The following GRAMD1B variants were observed in gnomAD, a reference collection of about 807,000 sequenced individuals.
GRAMD1B encodes the protein protein Aster-B.
In GRAMD1B, 37 loss-of-function variants were observed where a neutral mutation model predicts 99.7. The ratio of observed to expected loss-of-function variants is 0.37; its 90% CI spans 0.29 to 0.49. The LOEUF is 0.49. Ranked by LOEUF, GRAMD1B falls within the 20% of genes least tolerant of loss-of-function variation. The pLI is 0.98. For missense variants in GRAMD1B, 888 were observed against 1,009.2 expected, an observed-to-expected ratio of 0.88 and a Z score of 1.63; for synonymous variants, 427 against 387.6, an observed-to-expected ratio of 1.10 and a Z score of -1.19.
chr11:123,622,476 A>C, intron 19 of GRAMD1B, 30 bp from the exon 20 acceptor site: 1 of 1,390,902 alleles, frequency 7.2e-7, no homozygotes, highest in Non-Finnish European at 1.0e-6. Flanking sequence ...GCGCAGACCC[A>C]GGCCTGGGGT....
intron 1 of GRAMD1B, among the ~76,000 whole-genome samples, chr11:123,368,907 G>C (rs1946423571): frequency 6.6e-6 from 1 of 151,248 alleles, no homozygotes; most frequent in Non-Finnish European, 1.5e-5. Context: ...AGGCAGTTGA[G>C]AGTTTGAGCT....
Position 123,520,915 on chromosome 11 carries a change from T to C in GRAMD1B, c.452+40022T>C, listed in dbSNP as rs115397550. Among the ~76,000 whole-genome samples the C allele has an allele frequency of 7.4e-3, 1,130 of 152,300 alleles. 24 individuals are homozygous for C. Among genetic ancestry groups the C allele is most frequent in the African/African-American group, 0.026 (1,090 of 41,578 alleles). Reference sequence around the variant, plus strand: ...CCTGTTCTGCTCCATTGCATGTGACTGATTTATGCATTTTCAATGCTGTGT... The same window carrying C: ...CCTGTTCTGCTCCATTGCATGTGACCGATTTATGCATTTTCAATGCTGTGT... On this transcript the variant is annotated intron_variant, in intron 2 of 19. Transcript: ENST00000635736.
intron 1 of GRAMD1B, among the ~76,000 whole-genome samples, chr11:123,360,037 A>G (rs1656190518): frequency 1.3e-5 from 2 of 152,150 alleles, no homozygotes; most frequent in South Asian, 4.1e-4. Flanking sequence ...TAGGCTGAAA[A>G]TGCTACATTT....
chr11:123,399,185 T>C (rs1325616807), intron 1 of GRAMD1B, among the ~76,000 whole-genome samples: 1 of 152,224 alleles, frequency 6.6e-6, no homozygotes, highest in African/African-American at 2.4e-5. Context: ...TCACGCATTA[T>C]TTGTCTTTCT....
At position 123,510,990 on chromosome 11, in the gene GRAMD1B, T is replaced by TA. The variant is rs1317365115; in HGVS notation, c.452+30098dup. 6.6e-6 allele frequency among the ~76,000 whole-genome samples: 1 copy of TA among 152,176 alleles called. No individual in the cohort carries two copies. The highest frequency in any genetic ancestry group is 1.5e-5 in the Non-Finnish European group (1 of 68,018). Reference sequence around the variant, plus strand: ...TCTGTAGCTTTCATCTGCACTCACTTATATGTCCGTTGTTTTCTTTAGCCT... The same window carrying TA: ...TCTGTAGCTTTCATCTGCACTCACTTAATATGTCCGTTGTTTTCTTTAGCCT... On this transcript the variant is annotated intron_variant, in intron 2 of 19. Coordinates refer to ENST00000635736, the MANE Select transcript of GRAMD1B (RefSeq NM_001387025.1). This position sits in a 1 kb window ranked among gnomAD's most constrained non-coding sequence, Gnocchi z 4.3.
At chr11:123,428,079 T>C (rs561823602), upstream of GRAMD1B, among the ~76,000 whole-genome samples, 4 of 152,322 alleles carry the variant, frequency 2.6e-5, no homozygotes, top group East Asian at 1.9e-4. Flanking sequence ...ACCATCCTTT[T>C]GTGTTTTTGG....
At chr11:123,437,508 T>C (rs142962335) in intron 1 of GRAMD1B, among the ~76,000 whole-genome samples, 1 of 152,308 alleles carries the variant, frequency 6.6e-6, no homozygotes, top group Non-Finnish European at 1.5e-5. Flanking sequence ...CTGCCCAGTA[T>C]ACCTTCACTG....
intron 2 of GRAMD1B, among the ~76,000 whole-genome samples, chr11:123,570,205 G>A (rs2136131012): frequency 6.6e-6 from 1 of 152,230 alleles, no homozygotes; most frequent in South Asian, 2.1e-4. Context: ...TTGAAATGCA[G>A]ATTCCTGAGG....
rs536741546 is a variant in GRAMD1B at position 123,389,148 on chromosome 11, G to A, written c.-176+30349G>A. ...ACCTGTAATCCCAGCACTTTGGGAG[G>A]CCGAGACAGGCAGATCACGAGGTCA... is the stretch of plus-strand genomic sequence containing the variant. On this transcript the variant is annotated intron_variant, in intron 1 of 20. Coordinates refer to the GRAMD1B transcript ENST00000638157. 1.5e-4 allele frequency among the ~76,000 whole-genome samples: 23 copies of A among 152,220 alleles called. 1 individual carries two copies. In the South Asian group the frequency reaches 3.3e-3, roughly 22 times the overall value.
chr11:123,584,304 C>T lies in GRAMD1B; in HGVS notation c.664-8C>T, dbSNP rs373483380. The T allele has an allele frequency of 1.3e-5, 14 of 1,053,002 alleles. No individual in the cohort carries two copies. The Middle Eastern group carries it at 7.1e-4, about 53-fold the overall frequency. The allele number at this position is 1,053,002 out of a possible 1,614,324, so 65.2% of individuals were successfully genotyped here. A position where few individuals can be genotyped will look rare whatever the true frequency, so the allele number is the denominator to read the frequency against. Reference sequence around the variant, plus strand: ...AATTCTACCTTCTCTTTCATTTTCTCTTTTCAGAAAAGCCAGAGTTGGTAT... The same window carrying T: ...AATTCTACCTTCTCTTTCATTTTCTTTTTTCAGAAAAGCCAGAGTTGGTAT... On this transcript the variant is annotated splice_region_variant and splice_polypyrimidine_tract_variant and intron_variant, in intron 3 of 19. Transcript: ENST00000635736.
At chr11:123,407,503 T>C (rs1204405830) in intron 1 of GRAMD1B, among the ~76,000 whole-genome samples, 3 of 152,160 alleles carry the variant, frequency 2.0e-5, no homozygotes, top group African/African-American at 2.4e-5. Context: ...GGTGCTTAAA[T>C]TGAAAGCCTT....
At chr11:123,593,186 C>T (rs1950870300) in intron 4 of GRAMD1B, among the ~76,000 whole-genome samples, 1 of 151,004 alleles carries the variant, frequency 6.6e-6, no homozygotes, top group South Asian at 2.1e-4. Context: ...GAGCCGAGAT[C>T]ACACCACTGC....
At chr11:123,569,711 A>G (rs575942926) in intron 2 of GRAMD1B, among the ~76,000 whole-genome samples, 1 of 152,370 alleles carries the variant, frequency 6.6e-6, no homozygotes, top group African/African-American at 2.4e-5. Flanking sequence ...GTGGCATTAT[A>G]AAGAACTGAG....
At chr11:123,391,461 G>A (rs376984674) in intron 1 of GRAMD1B, among the ~76,000 whole-genome samples, 1 of 152,150 alleles carries the variant, frequency 6.6e-6, no homozygotes, top group East Asian at 1.9e-4. Flanking sequence ...TTTTTTGTTT[G>A]TTTGTTTGTT....
At chr11:123,611,324 C>A (rs1953528164) in intron 14 of GRAMD1B, among the ~76,000 whole-genome samples, 1 of 152,130 alleles carries the variant, frequency 6.6e-6, no homozygotes, top group East Asian at 1.9e-4. Context: ...GTCCCAGCTA[C>A]TCGGGAGGCT....
At chr11:123,584,824 C>T (rs564738990) in intron 4 of GRAMD1B, among the ~76,000 whole-genome samples, 1 of 152,292 alleles carries the variant, frequency 6.6e-6, no homozygotes, top group African/African-American at 2.4e-5. Flanking sequence ...GCCCTTCCTA[C>T]AAGGCCTCCT....
At chr11:123,430,257 C>CT (rs1948805776), upstream of GRAMD1B, 1 of 102,608 alleles carries the variant, frequency 9.7e-6, no homozygotes, top group African/African-American at 2.6e-5. Flanking sequence ...CAGTGTCTCG[C>CT]TTCCTCTCTC....
chr11:123,480,045 A>G (rs550671516), intron 1 of GRAMD1B, among the ~76,000 whole-genome samples: 2 of 152,298 alleles, frequency 1.3e-5, no homozygotes, highest in Admixed American at 6.5e-5. Context: ...TTCATCAGCT[A>G]TGCCAGCAGT....
intron 2 of GRAMD1B, among the ~76,000 whole-genome samples, chr11:123,548,317 TATATATATACAC>T (rs1338716300): frequency 4.1e-5 from 4 of 96,924 alleles, no homozygotes; most frequent in African/African-American, 2.0e-4. Flanking sequence ...TATATATATA[TATATATATACAC>T]ACACACACAC....
Sources: gnomAD v4.1 joint callset for allele counts (sites outside exome capture counted in the v4.1 genomes callset) on GRCh38, gnomAD v4.1.1 for gene constraint, Gnocchi (gnomAD v3.1) non-coding constraint, MANE v1.5 for transcripts, NCBI Gene and HGNC (gene_info 2026-07-23, HGNC 2026-07-21) for gene names.